ALKBH4: variants seen among roughly 807,000 people sequenced by gnomAD.
ALKBH4 encodes alkB homolog 4, lysine demethylase.
In ALKBH4, 8 loss-of-function variants were observed where a neutral mutation model predicts 12.1. The ratio of observed to expected loss-of-function variants is 0.66; its 90% CI spans 0.39 to 1.19. The LOEUF is 1.19. ALKBH4 is among the 50% of genes most tolerant of loss of function. The pLI is 0.01. For synonymous variants in ALKBH4, 195 were observed against 191.6 expected, an observed-to-expected ratio of 1.02 and a Z score of -0.15; for missense variants, 403 against 430.4, an observed-to-expected ratio of 0.94 and a Z score of 0.56.
intron 2 of ALKBH4, 151 bp downstream of exon 2, chr7:102,459,453 G>T: frequency 1.1e-6 from 1 of 926,652 alleles, no homozygotes; most frequent in Non-Finnish European, 1.6e-6. Flanking sequence ...CAGCGAGTCT[G>T]GCTGCCCACA....
At chr7:102,463,332 T>TTC (rs1258348474) in intron 1 of ALKBH4, among the ~76,000 whole-genome samples, 1 of 136,440 alleles carries the variant, frequency 7.3e-6, no homozygotes, top group African/African-American at 2.7e-5. Flanking sequence ...CTTTTTTTTT[T>TTC]TTTTTTTTTT....
chr7:102,461,648 C>A (rs929763909), intron 1 of ALKBH4, among the ~76,000 whole-genome samples: 1 of 152,202 alleles, frequency 6.6e-6, no homozygotes, highest in African/African-American at 2.4e-5. Context: ...CAGGCGTGAA[C>A]CACCATGCCC....
intron 1 of ALKBH4, among the ~76,000 whole-genome samples, chr7:102,464,017 G>A (rs1276440942): frequency 1.3e-5 from 2 of 151,598 alleles, no homozygotes; most frequent in East Asian, 3.9e-4. Context: ...TGATGCACCG[G>A]GGAGCATCTG....
At chr7:102,459,179 G>A (rs975798726) in intron 2 of ALKBH4, among the ~76,000 whole-genome samples, 1 of 151,896 alleles carries the variant, frequency 6.6e-6, no homozygotes, top group Non-Finnish European at 1.5e-5. Flanking sequence ...ACAATGAAGG[G>A]AGAGGGGGCA....
At position 102,456,763 on chromosome 7, in the gene ALKBH4, A is replaced by G. The variant is rs1797660064; in HGVS notation, c.*631T>C. The G allele has an allele frequency of 6.6e-6, 1 of 152,234 alleles. No individual in the cohort carries two copies. Among genetic ancestry groups the G allele is most frequent in the South Asian group, 2.1e-4 (1 of 4,838 alleles). 9.4% of individuals were successfully genotyped at this position (152,234 alleles called of 1,614,324 possible). ...CACATTCCCCAAATGAAGGGACTGG[A>G]CAGTGAGATATCGGGAAACCCCATG... On this transcript the variant is annotated 3_prime_UTR_variant, in exon 3 of 3. Transcript: ENST00000292566.
At chr7:102,464,232 C>T (rs1467458897) in intron 1 of ALKBH4, among the ~76,000 whole-genome samples, 2 of 152,298 alleles carry the variant, frequency 1.3e-5, no homozygotes, top group African/African-American at 4.8e-5. Context: ...CTCGCTCTGT[C>T]GCCCAGGCTG....
At chr7:102,459,894 C>T (rs1797754224) in intron 1 of ALKBH4, 93 bp from the exon 2 acceptor site, 1 of 1,243,426 alleles carries the variant, frequency 8.0e-7, no homozygotes, top group African/African-American at 1.5e-5. Flanking sequence ...TGGCTCACGC[C>T]TGTAATTCCA....
At chr7:102,458,736 C>CCA (rs1554578424) in intron 2 of ALKBH4, among the ~76,000 whole-genome samples, 17 of 129,168 alleles carry the variant, frequency 1.3e-4, no homozygotes, top group South Asian at 2.5e-4. Context: ...GACCCTGTCT[C>CCA]AAAAAAAAAA....
At chr7:102,464,068 C>G (rs1012193401) in intron 1 of ALKBH4, among the ~76,000 whole-genome samples, 1 of 151,204 alleles carries the variant, frequency 6.6e-6, no homozygotes, top group African/African-American at 2.4e-5. Context: ...CCAGCCTCAT[C>G]TCTCTCACCT....
chr7:102,462,147 T>C (rs1223923555), intron 1 of ALKBH4, among the ~76,000 whole-genome samples: 1 of 152,124 alleles, frequency 6.6e-6, no homozygotes, highest in Non-Finnish European at 1.5e-5. Context: ...TGGAGCGCTC[T>C]TGAAGGGTTT....
intron 2 of ALKBH4, 83 bp from the exon 3 acceptor site, chr7:102,458,064 A>G: frequency 7.2e-7 from 1 of 1,382,516 alleles, no homozygotes; most frequent in South Asian, 1.4e-5. Flanking sequence ...GAATTCAGTC[A>G]TAGTGACCCA....
At chr7:102,459,249 G>A in intron 2 of ALKBH4, 1 of 202,012 alleles carries the variant, frequency 5.0e-6, no homozygotes, top group Non-Finnish European at 1.0e-5. Context: ...GCCCGGGGAG[G>A]GGGAAGGTGG....
chr7:102,462,593 C>G (rs1003876464), intron 1 of ALKBH4, among the ~76,000 whole-genome samples: 5 of 152,094 alleles, frequency 3.3e-5, no homozygotes, highest in African/African-American at 9.7e-5. Flanking sequence ...GTCTCAAACT[C>G]CTAGACTCAG....
chr7:102,463,010 T>C (rs1015397205), intron 1 of ALKBH4, among the ~76,000 whole-genome samples: 18 of 144,124 alleles, frequency 1.2e-4, no homozygotes, highest in African/African-American at 4.5e-4. Flanking sequence ...CAAGCTGGAG[T>C]GCAGTGGCGT....
At chr7:102,459,330 G>C in intron 2 of ALKBH4, 1 of 358,654 alleles carries the variant, frequency 2.8e-6, no homozygotes, top group Non-Finnish European at 5.1e-6. Context: ...TTGGGAGAAT[G>C]GGGTGCCTTC....
In ALKBH4 at chr7:102,457,690, A is replaced by T. The variant is rs1374434990; in HGVS notation, c.613T>A (p.Ser205Thr). Reference protein sequence around the residue: ...REAPGSLLLCSAPSAAPEALV... With the variant: ...REAPGSLLLCTAPSAAPEALV... Reference sequence around the variant, plus strand: ...GCCTCCGGGGCAGCCGACGGGGCCGAGCAGAGGAGCAGGCTCCCGGGCGCC... The same window carrying T: ...GCCTCCGGGGCAGCCGACGGGGCCGTGCAGAGGAGCAGGCTCCCGGGCGCC... Residue 205 changes from serine to threonine, a missense_variant, in exon 3 of 3, where the codon TCG becomes ACG. By Grantham distance (58) the Ser-to-Thr change is moderately conservative. Coordinates refer to ENST00000292566, the MANE Select transcript of ALKBH4 (RefSeq NM_017621.4). This position sits in a 1 kb window ranked among gnomAD's most constrained non-coding sequence, Gnocchi z 5.9. 1.3e-6 allele frequency: 2 copies of T among 1,555,742 alleles called. No homozygotes were observed. Among genetic ancestry groups the T allele is most frequent in the Non-Finnish European group, 1.7e-6 (2 of 1,155,178 alleles).
In ALKBH4 at chr7:102,456,665, T is replaced by A. The variant is rs754865704; in HGVS notation, c.*729A>T. 6.6e-6 allele frequency: 1 copy of A among 152,238 alleles called. No individual in the cohort carries two copies. The highest frequency in any genetic ancestry group is 1.5e-5 in the Non-Finnish European group (1 of 68,052). 9.4% of individuals were successfully genotyped at this position (152,238 alleles called of 1,614,324 possible). A position where few individuals can be genotyped will look rare whatever the true frequency, so the allele number is the denominator to read the frequency against. On this transcript the variant is annotated 3_prime_UTR_variant, in exon 3 of 3. Transcript: ENST00000292566. ...TGGGGGTGTCAAGCATGAGTCAGGC[T>A]GAGCCTGACTCTGAAGCTGTTCCCA...
At chr7:102,461,766 GC>G (rs1234367685) in intron 1 of ALKBH4, among the ~76,000 whole-genome samples, 6 of 152,188 alleles carry the variant, frequency 3.9e-5, no homozygotes, top group Non-Finnish European at 8.8e-5. Context: ...CCCCAGGACA[GC>G]CCCAAGAGGA....
chr7:102,457,034 G>T lies in ALKBH4; in HGVS notation c.*360C>A. 5.7e-6 allele frequency: 1 copy of T among 175,826 alleles called. No individual in the cohort carries two copies. Among genetic ancestry groups the T allele is most frequent in the Non-Finnish European group, 1.2e-5 (1 of 83,686 alleles). 10.9% of individuals were successfully genotyped at this position (175,826 alleles called of 1,614,324 possible). The stretch of plus-strand genomic sequence containing the variant: ...TGTAGAGACGGGTTTTCACCGTGTT[G>T]GCCAGGCTGGTCTCGAACTCCTGGC... On this transcript the variant is annotated 3_prime_UTR_variant, in exon 3 of 3. Coordinates refer to ENST00000292566, the MANE Select transcript of ALKBH4 (RefSeq NM_017621.4). This position sits in a 1 kb window ranked among gnomAD's most constrained non-coding sequence, Gnocchi z 5.9.
Sources: allele counts gnomAD v4.1 joint callset (sites outside exome capture counted in the v4.1 genomes callset), GRCh38; gene constraint gnomAD v4.1.1; non-coding constraint Gnocchi (gnomAD v3.1); transcripts MANE v1.5; gene names NCBI Gene and HGNC (gene_info 2026-07-23, HGNC 2026-07-21).